XRCC5: variants seen among roughly 807,000 people sequenced by gnomAD.
The protein encoded by XRCC5 is DNA repair protein Ku80.
A neutral mutation model predicts 95.7 loss-of-function variants in XRCC5; 12 were observed. The observed-to-expected ratio is 0.13, with a 90% CI of 0.08 to 0.20. The LOEUF (loss-of-function observed/expected upper bound fraction) is 0.20, where lower values mean the gene tolerates loss of function less well. XRCC5 is among the 10% of genes least tolerant of loss of function. The pLI is 1.00. For missense variants in XRCC5, 595 were observed against 873.9 expected (o/e 0.68, Z 4.02); for synonymous variants, 281 against 290.3 (o/e 0.97, Z 0.33).
intron 16 of XRCC5, among the ~76,000 whole-genome samples, chr2:216,187,786 G>GACACACACACACACACACACACACACAC (rs149998611): frequency 3.1e-5 from 2 of 64,544 alleles, no homozygotes; most frequent in African/African-American, 2.0e-4. Context: ...ATGAACTCCT[G>GACACACACACACACACACACACACACAC]ACACACACAC....
chr2:216,203,071 T>C (rs1015374396), intron 19 of XRCC5, among the ~76,000 whole-genome samples: 2 of 152,228 alleles, frequency 1.3e-5, no homozygotes, highest in Non-Finnish European at 2.9e-5. Context: ...ATGTAGAGAA[T>C]GGCAGCTCTT....
At chr2:216,163,565 C>CCG (rs56005710) in intron 16 of XRCC5, among the ~76,000 whole-genome samples, 38,286 of 150,442 alleles carry the variant, frequency 0.25, 5,942 homozygotes, top group Non-Finnish European at 0.36. Context: ...GCTGGGATTA[C>CCG]TGTGAGCCAC....
chr2:216,181,627 C>T lies in XRCC5; in HGVS notation c.1835-8598C>T, dbSNP rs200994675. 9.2e-4 allele frequency among the ~76,000 whole-genome samples: 140 copies of T among 152,258 alleles called. 1 individual carries two copies. Among genetic ancestry groups the T allele is most frequent in the African/African-American group, 3.2e-3 (134 of 41,532 alleles). ...CCGGTATATCTTTGGATCCCAATGC[C>T]GCCCGTAGTTTTATTGTAGTATGAC... On this transcript the variant is annotated intron_variant, in intron 16 of 20. Transcript: ENST00000392132.
chr2:216,117,756 A>G lies in XRCC5; in HGVS notation c.330A>G (p.Ala110=), dbSNP rs747642331. Residue 110 remains alanine, a synonymous_variant, in exon 4 of 21, where the codon GCA becomes GCG. Coordinates refer to ENST00000392132, the MANE Select transcript of XRCC5 (RefSeq NM_021141.4). The part of the protein sequence containing the change: ...PGSQQADFLD[A]LIVSMDVIQH... ...CCTTAACTAGCTGAGTCCTGGATGC[A>G]CTAATCGTGAGCATGGATGTGATTC... 7 of 1,614,154 alleles carry G rather than the reference A, an allele frequency of 4.3e-6. No individual in the cohort carries two copies. Among genetic ancestry groups the G allele is most frequent in the Non-Finnish European group, 5.9e-6 (7 of 1,180,002 alleles).
chr2:216,200,313 C>G (rs918663185), intron 19 of XRCC5, among the ~76,000 whole-genome samples: 1 of 152,162 alleles, frequency 6.6e-6, no homozygotes, highest in Non-Finnish European at 1.5e-5. Context: ...GGATTGAAGA[C>G]AAAGGTTAAG....
In XRCC5 at chr2:216,145,631, G is replaced by T. The variant is rs78666775; in HGVS notation, c.1477-2452G>T. 5.6e-4 allele frequency among the ~76,000 whole-genome samples: 85 copies of T among 152,180 alleles called. 1 individual carries two copies. The highest frequency in any genetic ancestry group is 1.0e-3 in the Non-Finnish European group (71 of 68,012). The stretch of plus-strand genomic sequence containing the variant: ...CCTGAATGAATTTTGTAAGTATCTC[G>T]CTTAGCTTAATTTGCCTAAAATGTG... On this transcript the variant is annotated intron_variant, in intron 13 of 20. Coordinates refer to ENST00000392132, the MANE Select transcript of XRCC5 (RefSeq NM_021141.4).
In XRCC5 at chr2:216,117,879, A is replaced by T; in HGVS notation, c.368+85A>T. ...ATGTATTGAATGTATTTTGTGATTC[A>T]TTGTTAATCAAGCTGCATGTTTGTG... On this transcript the variant is annotated intron_variant, in intron 4 of 20. Transcript: ENST00000392132. The T allele has an allele frequency of 2.2e-6, 3 of 1,353,376 alleles. No homozygotes were observed. The South Asian group carries it at 3.6e-5, about 16-fold the overall frequency. 83.8% of individuals were successfully genotyped at this position (1,353,376 alleles called of 1,614,324 possible).
intron 16 of XRCC5, chr2:216,175,282 TCTA>T: frequency 2.3e-6 from 1 of 439,830 alleles, no homozygotes; most frequent in Admixed American, 2.7e-5. Context: ...TGCCACCACC[TCTA>T]CTTCTACCAC....
chr2:216,179,899 T>C (rs926891331), intron 16 of XRCC5, among the ~76,000 whole-genome samples: 5 of 152,210 alleles, frequency 3.3e-5, no homozygotes, highest in African/African-American at 1.2e-4. Context: ...GTTAGAAGGC[T>C]TCGGCGTTAA....
intron 5 of XRCC5, among the ~76,000 whole-genome samples, chr2:216,120,495 T>C (rs1295980507): frequency 6.6e-6 from 1 of 152,232 alleles, no homozygotes; most frequent in Non-Finnish European, 1.5e-5. Flanking sequence ...CTGTTTGGTG[T>C]ATTCCATGTA....
chr2:216,109,605 C>G, intron 1 of XRCC5, 148 bp downstream of exon 1: 1 of 1,223,976 alleles, frequency 8.2e-7, no homozygotes, highest in Non-Finnish European at 1.1e-6. Flanking sequence ...GGGCCGGGAC[C>G]GAGGGATGCG....
At chr2:216,197,781 C>T (rs773836456) in intron 19 of XRCC5, among the ~76,000 whole-genome samples, 35 of 152,256 alleles carry the variant, frequency 2.3e-4, no homozygotes, top group Middle Eastern at 6.8e-3. Context: ...TGCACATTCA[C>T]CTAGCAGACT....
chr2:216,172,874 A>G (rs551513127), intron 16 of XRCC5, among the ~76,000 whole-genome samples: 1 of 152,210 alleles, frequency 6.6e-6, no homozygotes, highest in Non-Finnish European at 1.5e-5. Flanking sequence ...TGAGTTATCC[A>G]TGAACATGGA....
intron 5 of XRCC5, among the ~76,000 whole-genome samples, chr2:216,121,080 G>C (rs1574453244): frequency 6.6e-6 from 1 of 152,140 alleles, no homozygotes; most frequent in Non-Finnish European, 1.5e-5. Context: ...GCTTATTTCT[G>C]ATCTAACGCA....
intron 16 of XRCC5, among the ~76,000 whole-genome samples, chr2:216,169,809 G>T (rs1188675126): frequency 6.6e-6 from 1 of 151,490 alleles, no homozygotes; most frequent in African/African-American, 2.4e-5. Flanking sequence ...ACTTTGGGAG[G>T]CTGAGGTGGG....
At chr2:216,133,483 A>G (rs1432516534) in intron 10 of XRCC5, among the ~76,000 whole-genome samples, 1 of 152,216 alleles carries the variant, frequency 6.6e-6, no homozygotes, top group Non-Finnish European at 1.5e-5. Context: ...GCTTCTGCTG[A>G]AGTTTTAACT....
chr2:216,155,452 AC>A lies in XRCC5; in HGVS notation c.1671-4615del, dbSNP rs369110516. ...GAAATGTAAATCAAAGCAAAAAAAA[AC>A]ATTGGCAAATATTTTTAAACATTAG... On this transcript the variant is annotated intron_variant, in intron 14 of 20. Transcript: ENST00000392132. Among the ~76,000 whole-genome samples the A allele has an allele frequency of 6.9e-4, 105 of 152,320 alleles. 1 individual carries two copies. The highest frequency in any genetic ancestry group is 2.8e-3 in the Admixed American group (43 of 15,300).
chr2:216,169,908 G>A lies in XRCC5; in HGVS notation c.1834+7860G>A, dbSNP rs143302266. Among the ~76,000 whole-genome samples, 1,108 of 151,130 alleles carry A rather than the reference G, an allele frequency of 7.3e-3. 8 individuals carry two copies. The highest frequency in any genetic ancestry group is 0.012 in the Non-Finnish European group (814 of 67,734). Reference sequence around the variant, plus strand: ...AACAAACTTAGGTGGGCATGGTGGTGCGCACCTGTAGTCTCAGCTACTTGG... The same window carrying A: ...AACAAACTTAGGTGGGCATGGTGGTACGCACCTGTAGTCTCAGCTACTTGG... On this transcript the variant is annotated intron_variant, in intron 16 of 20. Coordinates refer to ENST00000392132, the MANE Select transcript of XRCC5 (RefSeq NM_021141.4).
At chr2:216,144,981 G>A (rs1031859518) in intron 13 of XRCC5, among the ~76,000 whole-genome samples, 1 of 152,206 alleles carries the variant, frequency 6.6e-6, no homozygotes, top group Non-Finnish European at 1.5e-5. Flanking sequence ...ATGCATCTTG[G>A]AAGGCACAGG....
Sources: allele counts gnomAD v4.1 joint callset (sites outside exome capture counted in the v4.1 genomes callset), GRCh38; gene constraint gnomAD v4.1.1; transcripts MANE v1.5; gene names NCBI Gene and HGNC (gene_info 2026-07-23, HGNC 2026-07-21).